Variants in CDK14 observed in about 807,000 individuals in gnomAD.
CDK14 encodes cyclin dependent kinase 14, also known as cyclin-dependent kinase 14.
A neutral mutation model predicts 60.7 loss-of-function variants in CDK14; 34 were observed. The observed-to-expected ratio is 0.56, with a 90% CI of 0.43 to 0.75. The LOEUF is 0.75. Ranked by LOEUF, CDK14 falls within the 30% of genes least tolerant of loss-of-function variation. CDK14 has a pLI of 0.00. For missense variants in CDK14, 482 were observed against 564.1 expected, an observed-to-expected ratio of 0.85 and a Z score of 1.47; for synonymous variants, 197 against 203.7, an observed-to-expected ratio of 0.97 and a Z score of 0.28.
chr7:90,847,354 G>A (rs1333519154), intron 5 of CDK14, among the ~76,000 whole-genome samples: 2 of 152,084 alleles, frequency 1.3e-5, no homozygotes, highest in Non-Finnish European at 2.9e-5. Flanking sequence ...TTAGAAGAGA[G>A]TAGAAAGCAA....
At chr7:90,680,059 A>T (rs1288025274) in intron 2 of CDK14, among the ~76,000 whole-genome samples, 1 of 150,924 alleles carries the variant, frequency 6.6e-6, no homozygotes, top group Non-Finnish European at 1.5e-5. Context: ...TATAAATAGA[A>T]TTTTTGTTTA....
At chr7:91,043,625 A>T (rs1797150815) in intron 10 of CDK14, among the ~76,000 whole-genome samples, 1 of 152,210 alleles carries the variant, frequency 6.6e-6, no homozygotes, top group Non-Finnish European at 1.5e-5. Flanking sequence ...CTCTTTTCTC[A>T]TGTTACAACT....
chr7:90,955,856 A>T, intron 9 of CDK14, 39 bp downstream of exon 9: 3 of 1,608,870 alleles, frequency 1.9e-6, no homozygotes, highest in Non-Finnish European at 2.5e-6. Context: ...ATCTATCTGT[A>T]GTGCTTGGTC....
At chr7:90,769,469 TC>T (rs1804696209) in intron 4 of CDK14, among the ~76,000 whole-genome samples, 1 of 88,648 alleles carries the variant, frequency 1.1e-5, no homozygotes, top group Non-Finnish European at 2.3e-5. Context: ...CTTTCTCTTT[TC>T]TTTCTTTTTT....
intron 6 of CDK14, among the ~76,000 whole-genome samples, chr7:90,878,112 C>CAG (rs150927700): frequency 6.9e-5 from 10 of 145,520 alleles, no homozygotes; most frequent in African/African-American, 1.0e-4. Context: ...GAGAGAGAGA[C>CAG]AGAGAGAGAG....
chr7:91,051,253 C>T (rs888862584), intron 11 of CDK14, among the ~76,000 whole-genome samples: 10 of 152,174 alleles, frequency 6.6e-5, no homozygotes, highest in Non-Finnish European at 1.2e-4. Flanking sequence ...CACTTCCCAC[C>T]AGGCCTCACC....
At chr7:91,061,686 G>A (rs1049234622) in intron 11 of CDK14, among the ~76,000 whole-genome samples, 14 of 152,198 alleles carry the variant, frequency 9.2e-5, no homozygotes, top group Admixed American at 7.2e-4. Context: ...GTTTGCCTGG[G>A]TATCAGCAGC....
intron 12 of CDK14, among the ~76,000 whole-genome samples, chr7:91,097,514 C>T (rs1393077343): frequency 2.0e-5 from 3 of 151,716 alleles, no homozygotes; most frequent in Admixed American, 6.6e-5. Flanking sequence ...CTAGATTACA[C>T]ACTAATAAGA....
chr7:90,668,557 GTCTAA>G (rs1001028201), intron 2 of CDK14, among the ~76,000 whole-genome samples: 2 of 151,848 alleles, frequency 1.3e-5, no homozygotes, highest in African/African-American at 2.4e-5. Flanking sequence ...TATTTTTCGT[GTCTAA>G]TCTAAATTGT....
chr7:90,735,314 G>A (rs1159939625), intron 3 of CDK14, among the ~76,000 whole-genome samples: 3 of 152,216 alleles, frequency 2.0e-5, no homozygotes, highest in African/African-American at 7.2e-5. Flanking sequence ...GAGGCAGTCT[G>A]TCCCTTATCA....
In CDK14 at chr7:90,603,828, G is replaced by A. The variant is rs916797997; in HGVS notation, c.92-390G>A. ...ATTCAGGGCTCTGTGCAAAGAAGGTGTCATCCTAACAATTGGTGATATCTT... is the reference window on the plus strand; with the variant it reads ...ATTCAGGGCTCTGTGCAAAGAAGGTATCATCCTAACAATTGGTGATATCTT... On this transcript the variant is annotated intron_variant, in intron 1 of 14. Coordinates refer to ENST00000380050, the MANE Select transcript of CDK14 (RefSeq NM_001287135.2). 2.6e-5 allele frequency among the ~76,000 whole-genome samples: 4 copies of A among 152,166 alleles called. No homozygotes were observed. In the South Asian group the frequency reaches 8.3e-4, roughly 31 times the overall value.
At chr7:90,833,001 C>CACTTGT (rs1789963889) in intron 5 of CDK14, among the ~76,000 whole-genome samples, 1 of 152,150 alleles carries the variant, frequency 6.6e-6, no homozygotes, top group African/African-American at 2.4e-5. Flanking sequence ...ACCTTGTCAC[C>CACTTGT]CATCATGTCA....
intron 2 of CDK14, among the ~76,000 whole-genome samples, chr7:90,623,757 C>G (rs1245203778): frequency 1.3e-5 from 2 of 152,074 alleles, no homozygotes; most frequent in East Asian, 1.9e-4. Context: ...GTGATAATGC[C>G]TTCCTGGAGT....
At chr7:90,923,656 C>T (rs770157788) in intron 8 of CDK14, among the ~76,000 whole-genome samples, 3 of 152,138 alleles carry the variant, frequency 2.0e-5, no homozygotes, top group Non-Finnish European at 4.4e-5. Flanking sequence ...TGTGAGGTAA[C>T]GAGACATCTT....
chr7:91,010,214 A>G (rs1562866984), intron 10 of CDK14, among the ~76,000 whole-genome samples: 1 of 152,126 alleles, frequency 6.6e-6, no homozygotes. Flanking sequence ...TTCAACTTAT[A>G]CAGACTTTTC....
intron 8 of CDK14, among the ~76,000 whole-genome samples, chr7:90,923,401 G>A (rs1053428915): frequency 6.6e-6 from 1 of 152,142 alleles, no homozygotes; most frequent in Non-Finnish European, 1.5e-5. Flanking sequence ...GAGCCACCAT[G>A]CCTGGCCCAA....
intron 14 of CDK14, among the ~76,000 whole-genome samples, chr7:91,144,330 A>C (rs1339352954): frequency 6.6e-6 from 1 of 152,276 alleles, no homozygotes; most frequent in Admixed American, 6.5e-5. Context: ...AATGTTCTCT[A>C]TAAATTTAAT....
chr7:91,027,445 A>G (rs1403207791), intron 10 of CDK14, among the ~76,000 whole-genome samples: 1 of 152,162 alleles, frequency 6.6e-6, no homozygotes, highest in Non-Finnish European at 1.5e-5. Context: ...TGGCAGCCAT[A>G]CTTCCTCGGA....
intron 11 of CDK14, among the ~76,000 whole-genome samples, chr7:91,066,397 CA>C (rs1337923768): frequency 1.3e-5 from 2 of 152,166 alleles, no homozygotes; most frequent in African/African-American, 4.8e-5. Context: ...GTGTTAGCTA[CA>C]AATCTAGTTT....
Sources: allele counts gnomAD v4.1 joint callset (sites outside exome capture counted in the v4.1 genomes callset), GRCh38; gene constraint gnomAD v4.1.1; transcripts MANE v1.5; gene names NCBI Gene and HGNC (gene_info 2026-07-23, HGNC 2026-07-21).